The following PLCXD3 variants were observed in gnomAD, a reference collection of about 807,000 sequenced individuals.
PLCXD3 encodes the protein phosphatidylinositol specific phospholipase C X domain containing 3.
PLCXD3 carries 19 observed loss-of-function variants against 25.5 expected under a neutral mutation model. The observed-to-expected ratio is 0.75, with a 90% CI of 0.52 to 1.09. The LOEUF is 1.09. Ranked by LOEUF, PLCXD3 falls within the 50% of genes least tolerant of loss-of-function variation. The probability of loss-of-function intolerance (pLI) is 0.00; values close to 1 mark genes in which losing one functional copy is unlikely to be tolerated. For missense variants in PLCXD3, 411 were observed against 388.1 expected (o/e 1.06, Z -0.50); for synonymous variants, 174 against 137.6 (o/e 1.26, Z -1.85).
At chr5:41,438,608 T>C (rs1747309540) in intron 1 of PLCXD3, among the ~76,000 whole-genome samples, 1 of 152,180 alleles carries the variant, frequency 6.6e-6, no homozygotes. Context: ...AGTTCCTCTT[T>C]CCTTTTTCCC....
chr5:41,317,026 G>T, intron 2 of PLCXD3, among the ~76,000 whole-genome samples: 1 of 152,170 alleles, frequency 6.6e-6, no homozygotes, highest in East Asian at 1.9e-4. Context: ...AATAGCCAGG[G>T]ACTGGTTACA....
chr5:41,325,993 C>A (rs1743614121), intron 2 of PLCXD3, among the ~76,000 whole-genome samples: 1 of 152,176 alleles, frequency 6.6e-6, no homozygotes, highest in Non-Finnish European at 1.5e-5. Flanking sequence ...GGGTACTAAT[C>A]TCATTCATGG....
chr5:41,328,085 T>C (rs1256316697), intron 2 of PLCXD3, among the ~76,000 whole-genome samples: 1 of 152,172 alleles, frequency 6.6e-6, no homozygotes, highest in Non-Finnish European at 1.5e-5. Flanking sequence ...AGCACTACTG[T>C]CAGTTCTAGA....
chr5:41,400,790 T>C (rs961795302), intron 1 of PLCXD3, among the ~76,000 whole-genome samples: 2 of 151,920 alleles, frequency 1.3e-5, no homozygotes, highest in African/African-American at 4.8e-5. Flanking sequence ...GCACAATAGG[T>C]TGACTATAGT....
At chr5:41,457,494 C>G (rs1465273761) in intron 1 of PLCXD3, among the ~76,000 whole-genome samples, 1 of 151,900 alleles carries the variant, frequency 6.6e-6, no homozygotes, top group Non-Finnish European at 1.5e-5. Flanking sequence ...GGAGTACACC[C>G]TTCCCCAGCA....
At chr5:41,314,362 T>A (rs1262003474) in intron 2 of PLCXD3, among the ~76,000 whole-genome samples, 1 of 152,178 alleles carries the variant, frequency 6.6e-6, no homozygotes, top group Admixed American at 6.5e-5. Context: ...ACCTGGAGGA[T>A]TCAAGTGAAC....
chr5:41,410,914 A>C (rs1746499952), intron 1 of PLCXD3, among the ~76,000 whole-genome samples: 1 of 152,134 alleles, frequency 6.6e-6, no homozygotes, highest in Non-Finnish European at 1.5e-5. Flanking sequence ...CGATTTCTCC[A>C]CTGGAGCCTC....
intron 1 of PLCXD3, among the ~76,000 whole-genome samples, chr5:41,497,372 G>T (rs1010462440): frequency 3.3e-5 from 5 of 151,766 alleles, no homozygotes; most frequent in Admixed American, 6.6e-5. Context: ...AAAGAGAATG[G>T]AATGGCCATA....
chr5:41,327,502 C>T (rs1412498718), intron 2 of PLCXD3, among the ~76,000 whole-genome samples: 1 of 152,192 alleles, frequency 6.6e-6, no homozygotes, highest in Non-Finnish European at 1.5e-5. Flanking sequence ...TCCTTTGAAA[C>T]TTCTCAGATT....
intron 1 of PLCXD3, among the ~76,000 whole-genome samples, chr5:41,461,707 A>G (rs1344734265): frequency 6.6e-6 from 1 of 152,006 alleles, no homozygotes; most frequent in Non-Finnish European, 1.5e-5. Flanking sequence ...CACCACAGCT[A>G]CTTGAATGTG....
At chr5:41,376,361 C>A (rs1335049648) in intron 2 of PLCXD3, among the ~76,000 whole-genome samples, 1 of 152,088 alleles carries the variant, frequency 6.6e-6, no homozygotes, top group Non-Finnish European at 1.5e-5. Context: ...CTTCTTCAGT[C>A]TCTTCCTTCC....
intron 1 of PLCXD3, among the ~76,000 whole-genome samples, chr5:41,392,680 A>T (rs753521402): frequency 7.9e-5 from 12 of 152,202 alleles, no homozygotes; most frequent in African/African-American, 2.4e-5. Flanking sequence ...CATCAACATC[A>T]TCCAGGAAAA....
intron 2 of PLCXD3, among the ~76,000 whole-genome samples, chr5:41,314,494 CAAAGA>C (rs1204537897): frequency 6.6e-6 from 1 of 152,060 alleles, no homozygotes; most frequent in Non-Finnish European, 1.5e-5. Flanking sequence ...AAAAATGGAG[CAAAGA>C]AAAGAAGATT....
intron 2 of PLCXD3, among the ~76,000 whole-genome samples, chr5:41,350,566 G>A (rs1245678836): frequency 6.6e-6 from 1 of 151,978 alleles, no homozygotes; most frequent in African/African-American, 2.4e-5. Context: ...GGGTAATTAG[G>A]TACAGATTAC....
chr5:41,499,852 T>C (rs570524505), intron 1 of PLCXD3, among the ~76,000 whole-genome samples: 1 of 151,894 alleles, frequency 6.6e-6, no homozygotes, highest in Non-Finnish European at 1.5e-5. Flanking sequence ...CATTAACTTA[T>C]CTTTGACAAA....
At chr5:41,400,426 G>A (rs1389466930) in intron 1 of PLCXD3, among the ~76,000 whole-genome samples, 1 of 152,042 alleles carries the variant, frequency 6.6e-6, no homozygotes, top group Non-Finnish European at 1.5e-5. Context: ...CCTAAGATTT[G>A]GAAGCAACCT....
chr5:41,400,870 G>T (rs201898692), intron 1 of PLCXD3, among the ~76,000 whole-genome samples: 25 of 152,110 alleles, frequency 1.6e-4, no homozygotes, highest in South Asian at 1.0e-3. Context: ...TAACTCAAAG[G>T]ATAACTGTTC....
At chr5:41,432,224 C>T (rs1178147054) in intron 1 of PLCXD3, among the ~76,000 whole-genome samples, 1 of 152,160 alleles carries the variant, frequency 6.6e-6, no homozygotes, top group Non-Finnish European at 1.5e-5. Context: ...TATTACTGTC[C>T]TCCCTCTCCC....
At chr5:41,361,000 G>A (rs1162972003) in intron 2 of PLCXD3, among the ~76,000 whole-genome samples, 2 of 152,162 alleles carry the variant, frequency 1.3e-5, no homozygotes, top group East Asian at 3.9e-4. Context: ...TGCTACCAGG[G>A]CAGGTAGAGA....
Sources: gnomAD v4.1 joint callset for allele counts (sites outside exome capture counted in the v4.1 genomes callset) on GRCh38, gnomAD v4.1.1 for gene constraint, MANE v1.5 for transcripts, NCBI Gene and HGNC (gene_info 2026-07-23, HGNC 2026-07-21) for gene names.